The following PCDHAC1 variants were observed in gnomAD, a reference collection of about 807,000 sequenced individuals.
PCDHAC1 encodes the protein protocadherin alpha-C1.
In PCDHAC1, 42 loss-of-function variants were observed where a neutral mutation model predicts 60.0. The observed-to-expected ratio is 0.70, with a 90% CI of 0.55 to 0.90. The LOEUF is 0.90. PCDHAC1 is among the 40% of genes least tolerant of loss of function. The probability of loss-of-function intolerance (pLI) is 0.00; values close to 1 mark genes in which losing one functional copy is unlikely to be tolerated. For missense variants in PCDHAC1, 1,160 were observed against 1,222.3 expected (o/e 0.95, Z 0.76); for synonymous variants, 468 against 499.3 (o/e 0.94, Z 0.84).
chr5:140,985,488 A>G (rs1554247116), intron 3 of PCDHAC1, among the ~76,000 whole-genome samples: 1 of 152,156 alleles, frequency 6.6e-6, no homozygotes, highest in Non-Finnish European at 1.5e-5. Flanking sequence ...CCAGACTCAA[A>G]TAGAGCCTGC....
At chr5:140,949,932 TA>T (rs1438940739) in intron 1 of PCDHAC1, among the ~76,000 whole-genome samples, 2 of 151,648 alleles carry the variant, frequency 1.3e-5, no homozygotes, top group African/African-American at 2.4e-5. Context: ...AGATTTTTTT[TA>T]ATTTGCATTT....
At chr5:141,003,331 TTTTG>T (rs1554259005) in intron 3 of PCDHAC1, among the ~76,000 whole-genome samples, 2 of 152,142 alleles carry the variant, frequency 1.3e-5, no homozygotes, top group Non-Finnish European at 2.9e-5. Flanking sequence ...GGGCAGGGTT[TTTTG>T]TTTGTTTGCT....
Position 140,926,906 on chromosome 5 carries a change from G to T in PCDHAC1, c.14G>T (p.Gly5Val). The T allele has an allele frequency of 6.4e-7, 1 of 1,559,584 alleles. No individual in the cohort carries two copies. The highest frequency in any genetic ancestry group is 8.7e-7 in the Non-Finnish European group (1 of 1,150,548). The change falls in exon 1 of 4, where the codon GGG (glycine) becomes GTG (valine). Residue 5 changes from glycine (G) to valine (V), a missense_variant. By Grantham distance (109) the Gly-to-Val change is moderately radical. Around this residue, in one of 3 missense-constraint regions of PCDHAC1, gnomAD observed 43 missense variants for 40.4 expected, o/e 1.06. Coordinates refer to ENST00000253807, the MANE Select transcript of PCDHAC1 (RefSeq NM_018898.5). Reference protein sequence around the residue: MVGCGVAVLCLWVSC... With the variant: MVGCVVAVLCLWVSC... ...CCTAGAGGGAGGATGGTGGGCTGTG[G>T]GGTGGCAGTTTTATGTTTGTGGGTT...
chr5:140,952,378 A>G (rs1282372403), intron 1 of PCDHAC1, among the ~76,000 whole-genome samples: 1 of 151,376 alleles, frequency 6.6e-6, no homozygotes, highest in Non-Finnish European at 1.5e-5. Flanking sequence ...TTCCTCTGCC[A>G]GGTACCCTAA....
intron 1 of PCDHAC1, among the ~76,000 whole-genome samples, chr5:140,930,790 A>G (rs155822): frequency 0.047 from 7,177 of 152,302 alleles, 299 homozygotes; most frequent in African/African-American, 0.11. Context: ...ACAATATAAT[A>G]GAATCCAGCA....
At chr5:140,935,673 A>T (rs1462991962) in intron 1 of PCDHAC1, among the ~76,000 whole-genome samples, 1 of 152,180 alleles carries the variant, frequency 6.6e-6, no homozygotes, top group Non-Finnish European at 1.5e-5. Flanking sequence ...AATTATGTGA[A>T]ATATTTACAT....
intron 1 of PCDHAC1, among the ~76,000 whole-genome samples, chr5:140,932,490 A>G (rs1330943965): frequency 6.6e-6 from 1 of 151,852 alleles, no homozygotes; most frequent in South Asian, 2.1e-4. Context: ...CCTCTTTGCA[A>G]TGTCATTTGT....
intron 3 of PCDHAC1, among the ~76,000 whole-genome samples, chr5:140,993,154 A>T (rs2097543247): frequency 6.6e-6 from 1 of 152,220 alleles, no homozygotes; most frequent in Admixed American, 6.5e-5. Flanking sequence ...AATGGATTCT[A>T]AATATTTGCC....
intron 1 of PCDHAC1, among the ~76,000 whole-genome samples, chr5:140,962,103 T>C (rs1401131367): frequency 1.3e-5 from 2 of 152,020 alleles, no homozygotes; most frequent in African/African-American, 4.8e-5. Flanking sequence ...GCCAGGATGG[T>C]CTCGATCTCC....
rs140322145 is a variant in PCDHAC1, at chr5:140,968,725, T to C, written c.2434-10224T>C. ...CCAGGAAGATGGGAGATGAGAGTGG[T>C]AGCACTTTCAACCTGACCGTGGTGG... On this transcript the variant is annotated intron_variant, in intron 1 of 3. Coordinates refer to ENST00000253807, the MANE Select transcript of PCDHAC1 (RefSeq NM_018898.5). 3.1e-6 allele frequency: 5 copies of C among 1,613,932 alleles called. No individual in the cohort carries two copies. In the African/African-American group the frequency reaches 6.7e-5, roughly 22 times the overall value.
rs782426631 is a variant in PCDHAC1, at chr5:140,982,476, T to G, written c.2494T>G (p.Ser832Ala). The change falls in exon 3 of 4, where the codon TCT becomes GCT. Residue 832 changes from serine to alanine, a missense_variant and splice_region_variant. By Grantham distance (99) the Ser-to-Ala change is moderately conservative (BLOSUM62 1). Around this residue, in one of 3 missense-constraint regions of PCDHAC1, gnomAD observed 1,113 missense variants for 1,163.7 expected, o/e 0.96. Coordinates refer to ENST00000253807, the MANE Select transcript of PCDHAC1 (RefSeq NM_018898.5). The part of the protein sequence containing the change: ...SASLRAGMHS[S>A]VHLEEAGILR... Reference sequence around the variant, plus strand: ...ATCTGGGTCTGTGTGTTTATTCAGCTCTGTGCACCTAGAGGAGGCTGGCAT... The same window carrying G: ...ATCTGGGTCTGTGTGTTTATTCAGCGCTGTGCACCTAGAGGAGGCTGGCAT... 9.3e-6 allele frequency: 15 copies of G among 1,614,064 alleles called. No individual in the cohort carries two copies. The African/African-American group carries it at 2.0e-4, about 22-fold the overall frequency.
rs781852534 is a variant in PCDHAC1, at chr5:140,982,552, G to T, written c.2570G>T (p.Ser857Ile). 1 of 1,614,168 alleles carries T rather than the reference G, an allele frequency of 6.2e-7. No individual in the cohort carries two copies. The highest frequency in any genetic ancestry group is 2.2e-5 in the East Asian group (1 of 44,892). ...GATCAGCAGTGGCCAACAGTATCCAGTGCAACACCAGGTAAAGAGCTGGGG... is the reference window on the plus strand; with the variant it reads ...GATCAGCAGTGGCCAACAGTATCCATTGCAACACCAGGTAAAGAGCTGGGG... The part of the protein sequence containing the change: ...GPDQQWPTVS[S>I]ATPEPEAGEV... Residue 857 changes from serine (S) to isoleucine (I), a missense_variant, in exon 3 of 4, where the codon AGT (serine) becomes ATT (isoleucine). Physicochemically the swap from Ser to Ile is moderately radical, Grantham distance 142. Coordinates refer to ENST00000253807, the MANE Select transcript of PCDHAC1 (RefSeq NM_018898.5).
chr5:140,980,695 G>A (rs1403740157), intron 2 of PCDHAC1, among the ~76,000 whole-genome samples: 1 of 149,792 alleles, frequency 6.7e-6, no homozygotes, highest in Non-Finnish European at 1.5e-5. Context: ...AAAAAAAAAA[G>A]CCAAATGTGC....
chr5:140,971,845 G>A (rs370364575), intron 1 of PCDHAC1, among the ~76,000 whole-genome samples: 4 of 152,052 alleles, frequency 2.6e-5, no homozygotes, highest in Admixed American at 6.5e-5. Context: ...CAAGTCATGC[G>A]TTAAATATTT....
chr5:140,930,781 CAATAT>C (rs1259470112), intron 1 of PCDHAC1, among the ~76,000 whole-genome samples: 2 of 152,048 alleles, frequency 1.3e-5, no homozygotes, highest in African/African-American at 4.8e-5. Context: ...AATATTTTCA[CAATAT>C]AATAGAATCC....
At chr5:140,956,003 C>T (rs2153708657) in intron 1 of PCDHAC1, among the ~76,000 whole-genome samples, 1 of 152,232 alleles carries the variant, frequency 6.6e-6, no homozygotes, top group East Asian at 1.9e-4. Flanking sequence ...ATTTTGTATC[C>T]TGAGACTTTG....
chr5:140,977,701 G>A (rs1299788207), intron 1 of PCDHAC1, among the ~76,000 whole-genome samples: 2 of 152,146 alleles, frequency 1.3e-5, no homozygotes, highest in African/African-American at 4.8e-5. Context: ...AAATCTGTCT[G>A]AATATTGAGA....
At chr5:140,938,709 T>C (rs1473474040) in intron 1 of PCDHAC1, among the ~76,000 whole-genome samples, 2 of 152,176 alleles carry the variant, frequency 1.3e-5, no homozygotes, top group African/African-American at 2.4e-5. Context: ...ATGTTTATGA[T>C]AGAAACGCGT....
rs1474245483 is a variant in PCDHAC1, at chr5:140,946,429, A to C, written c.2433+17104A>C. Reference sequence around the variant, plus strand: ...ATAGAAAACAATATGGAGGTTACTCAAAAATTGAGACTAAAACAACTATCC... The same window carrying C: ...ATAGAAAACAATATGGAGGTTACTCCAAAATTGAGACTAAAACAACTATCC... On this transcript the variant is annotated intron_variant, in intron 1 of 3. Coordinates refer to ENST00000253807, the MANE Select transcript of PCDHAC1 (RefSeq NM_018898.5). 2.0e-5 allele frequency among the ~76,000 whole-genome samples: 3 copies of C among 151,826 alleles called. No homozygotes were observed. In the East Asian group the frequency reaches 5.8e-4, roughly 29 times the overall value.
Sources: allele counts gnomAD v4.1 joint callset (sites outside exome capture counted in the v4.1 genomes callset), GRCh38; gene constraint gnomAD v4.1.1; regional missense constraint gnomAD v4.1.1; transcripts MANE v1.5; gene names NCBI Gene and HGNC (gene_info 2026-07-23, HGNC 2026-07-21).